Variants in TTBK2 observed in about 807,000 individuals in gnomAD.
The protein encoded by TTBK2 is tau tubulin kinase 2.
In TTBK2, 28 loss-of-function variants were observed where a neutral mutation model predicts 110.8. The ratio of observed to expected loss-of-function variants is 0.25; its 90% CI spans 0.19 to 0.35. The LOEUF (loss-of-function observed/expected upper bound fraction) is 0.35. Ranked by LOEUF, TTBK2 falls within the 10% of genes least tolerant of loss-of-function variation. The probability of loss-of-function intolerance (pLI) is 1.00; values close to 1 mark genes in which losing one functional copy is unlikely to be tolerated. For missense variants in TTBK2, 1,369 were observed against 1,500.3 expected, an observed-to-expected ratio of 0.91 and a Z score of 1.45; for synonymous variants, 532 against 527.3, an observed-to-expected ratio of 1.01 and a Z score of -0.12.
chr15:42,863,280 G>C (rs984047548), intron 3 of TTBK2, among the ~76,000 whole-genome samples: 8 of 152,076 alleles, frequency 5.3e-5, no homozygotes, highest in Non-Finnish European at 7.3e-5. Flanking sequence ...TGTTCTTGCT[G>C]AGAGTCAAAT....
At chr15:42,862,739 T>C (rs1420268770) in intron 3 of TTBK2, among the ~76,000 whole-genome samples, 1 of 151,676 alleles carries the variant, frequency 6.6e-6, no homozygotes, top group Non-Finnish European at 1.5e-5. Flanking sequence ...AAATACAAAA[T>C]TAGCCAGGCG....
At chr15:42,898,973 T>A (rs942487242) in intron 1 of TTBK2, among the ~76,000 whole-genome samples, 1 of 152,178 alleles carries the variant, frequency 6.6e-6, no homozygotes, top group Non-Finnish European at 1.5e-5. Flanking sequence ...AAACTAATTT[T>A]AAAAAGCAAT....
At chr15:42,834,204 GGT>G (rs1555429704) in intron 4 of TTBK2, among the ~76,000 whole-genome samples, 3 of 148,448 alleles carry the variant, frequency 2.0e-5, no homozygotes, top group Admixed American at 6.7e-5. Flanking sequence ...AAAGGGGGGG[GGT>G]GTATAAAAGG....
chr15:42,885,686 C>CTGGTGT (rs1435062268), intron 1 of TTBK2, among the ~76,000 whole-genome samples: 2 of 152,090 alleles, frequency 1.3e-5, no homozygotes, highest in Non-Finnish European at 2.9e-5. Flanking sequence ...GGTGTCTCTA[C>CTGGTGT]CCCTTCTCCA....
chr15:42,827,825 G>T, intron 6 of TTBK2, 103 bp downstream of exon 6: 1 of 908,864 alleles, frequency 1.1e-6, no homozygotes, highest in South Asian at 1.5e-5. Flanking sequence ...CCACTTCTTA[G>T]ATAACATCCA....
rs146503772 is a variant in TTBK2, at chr15:42,826,777, A to G, written c.537+1151T>C. 3.3e-3 allele frequency among the ~76,000 whole-genome samples: 509 copies of G among 152,288 alleles called. 1 individual carries two copies. Among genetic ancestry groups the G allele is most frequent in the African/African-American group, 0.012 (487 of 41,568 alleles). On this transcript the variant is annotated intron_variant, in intron 6 of 14. Transcript: ENST00000267890. ...TTCATGAATCATTCTTTGCTCAACT[A>G]AACTCTGTTCAATTTAGTTTGCCTA... is the stretch of plus-strand genomic sequence containing the variant.
At chr15:42,867,256 AAAAAG>A (rs1221538351) in intron 3 of TTBK2, among the ~76,000 whole-genome samples, 20 of 151,324 alleles carry the variant, frequency 1.3e-4, no homozygotes, top group African/African-American at 2.9e-4. Context: ...AAAAAAAAAA[AAAAAG>A]AAAAGAAAAG....
chr15:42,910,268 T>TA (rs879406053), intron 1 of TTBK2, among the ~76,000 whole-genome samples: 148 of 132,886 alleles, frequency 1.1e-3, no homozygotes, highest in South Asian at 2.6e-3. Context: ...ATCTACACAA[T>TA]AAAAAAAAAA....
intron 13 of TTBK2, among the ~76,000 whole-genome samples, chr15:42,765,770 C>A (rs138393664): frequency 0.012 from 1,889 of 152,108 alleles, 41 homozygotes; most frequent in East Asian, 0.043. Context: ...ACAGAGAACA[C>A]CACAAAGATA....
At chr15:42,871,217 AG>A (rs1894602772) in intron 3 of TTBK2, among the ~76,000 whole-genome samples, 1 of 152,334 alleles carries the variant, frequency 6.6e-6, no homozygotes, top group South Asian at 2.1e-4. Context: ...AGGGTTCTTA[AG>A]AATGGGATGT....
Position 42,780,326 on chromosome 15 carries a change from C to T in TTBK2, c.1198-3084G>A, listed in dbSNP as rs1195785397. On this transcript the variant is annotated intron_variant, in intron 11 of 14. Coordinates refer to ENST00000267890, the MANE Select transcript of TTBK2 (RefSeq NM_173500.4). Reference sequence around the variant, plus strand: ...GGGATTATGGGTGTGAGCCACTGTGCCAGGGCAAGTCATTCTTTTTCTTTT... The same window carrying T: ...GGGATTATGGGTGTGAGCCACTGTGTCAGGGCAAGTCATTCTTTTTCTTTT... 4.0e-5 allele frequency among the ~76,000 whole-genome samples: 6 copies of T among 150,256 alleles called. No homozygotes were observed. The East Asian group carries it at 1.2e-3, about 30-fold the overall frequency.
chr15:42,903,981 A>G (rs528086087), intron 1 of TTBK2, among the ~76,000 whole-genome samples: 1 of 152,270 alleles, frequency 6.6e-6, no homozygotes, highest in Non-Finnish European at 1.5e-5. Flanking sequence ...ATAATAGACC[A>G]ATAGCTAGCA....
rs149944228 is a variant in TTBK2 at position 42,835,809 on chromosome 15, C to T, written c.291+4551G>A. 6.2e-3 allele frequency among the ~76,000 whole-genome samples: 935 copies of T among 152,024 alleles called. 27 individuals are homozygous for T. Among genetic ancestry groups the T allele is most frequent in the Non-Finnish European group, 3.6e-3 (247 of 67,962 alleles). On this transcript the variant is annotated intron_variant, in intron 4 of 14. Coordinates refer to ENST00000267890, the MANE Select transcript of TTBK2 (RefSeq NM_173500.4). Reference sequence around the variant, plus strand: ...TATGCCTTGGATTAGCTATTAATTTCGGGAGGGACAGGAGAAAGAGAAAAT... The same window carrying T: ...TATGCCTTGGATTAGCTATTAATTTTGGGAGGGACAGGAGAAAGAGAAAAT...
intron 3 of TTBK2, among the ~76,000 whole-genome samples, chr15:42,870,501 G>A (rs1894572821): frequency 6.6e-6 from 1 of 151,750 alleles, no homozygotes; most frequent in East Asian, 1.9e-4. Context: ...AAGAGGAATT[G>A]GTCTATTAAA....
At chr15:42,875,170 A>C (rs540526144) in intron 2 of TTBK2, among the ~76,000 whole-genome samples, 1 of 152,260 alleles carries the variant, frequency 6.6e-6, no homozygotes, top group South Asian at 2.1e-4. Flanking sequence ...ATCTAGGCTG[A>C]AGTAAATGTT....
chr15:42,833,702 A>G (rs1226510245), intron 4 of TTBK2, among the ~76,000 whole-genome samples: 2 of 151,990 alleles, frequency 1.3e-5, no homozygotes, highest in Non-Finnish European at 2.9e-5. Context: ...CTGAGACCTC[A>G]TCACTACAAA....
rs1184981234 is a variant in TTBK2, at chr15:42,775,329, G to T, written c.1804C>A (p.Pro602Thr). Residue 602 changes from proline (P) to threonine (T), a missense_variant, in exon 13 of 15, where the codon CCT becomes ACT. By Grantham distance (38) the Pro-to-Thr change is conservative (BLOSUM62 -1). Transcript: ENST00000267890. ...SPQDEKLQLG[P>T]WAENDHLKKE... ...TTTAAATGATCATTTTCTGCCCAAG[G>T]ACCTAACTGGAGCTTTTCATCTTGA... is the stretch of plus-strand genomic sequence containing the variant. The T allele has an allele frequency of 1.5e-5, 24 of 1,614,030 alleles. No individual in the cohort carries two copies. The highest frequency in any genetic ancestry group is 2.0e-5 in the Non-Finnish European group (24 of 1,180,044).
chr15:42,775,721 A>T lies in TTBK2; in HGVS notation c.1412T>A (p.Leu471Gln). 6.2e-7 allele frequency: 1 copy of T among 1,609,658 alleles called. No individual in the cohort carries two copies. The highest frequency in any genetic ancestry group is 8.5e-7 in the Non-Finnish European group (1 of 1,179,544). Reference protein sequence around the residue: ...PDTDKFLETCLEKMQKDTSAG... With the variant: ...PDTDKFLETCQEKMQKDTSAG... The stretch of plus-strand genomic sequence containing the variant: ...ACTGGTATCTTTCTGCATTTTCTCC[A>T]GGCTTAAGGAAATGGAAAGAAGTTA... The change falls in exon 13 of 15, where the codon CTG becomes CAG. Residue 471 changes from leucine to glutamine, a missense_variant and splice_region_variant. Around this residue, in one of 4 missense-constraint regions of TTBK2, gnomAD observed 1,097 missense variants for 1,114.7 expected, o/e 0.98. Transcript: ENST00000267890.
At chr15:42,864,540 C>T (rs564717390) in intron 3 of TTBK2, among the ~76,000 whole-genome samples, 38 of 151,812 alleles carry the variant, frequency 2.5e-4, no homozygotes, top group African/African-American at 8.9e-4. Flanking sequence ...GCTGAGATAG[C>T]GCCACTGCAC....
Sources: gnomAD v4.1 joint callset for allele counts (sites outside exome capture counted in the v4.1 genomes callset) on GRCh38, gnomAD v4.1.1 for gene constraint, gnomAD v4.1.1 regional missense constraint, MANE v1.5 for transcripts, NCBI Gene and HGNC (gene_info 2026-07-23, HGNC 2026-07-21) for gene names.